Variants in PALM2AKAP2 observed in about 807,000 individuals in gnomAD.
PALM2AKAP2 encodes the protein PALM2 and AKAP2 fusion.
Under a neutral mutation model 71.5 loss-of-function variants are expected in PALM2AKAP2, and 37 were observed. That is an observed-to-expected ratio of 0.52 (90% confidence interval 0.40 to 0.68). The LOEUF is 0.68. Ranked by LOEUF, PALM2AKAP2 falls within the 30% of genes least tolerant of loss-of-function variation. The probability of loss-of-function intolerance (pLI) is 0.00; values close to 1 mark genes in which losing one functional copy is unlikely to be tolerated. For synonymous variants in PALM2AKAP2, 468 were observed against 478.8 expected, an observed-to-expected ratio of 0.98 and a Z score of 0.29; for missense variants, 1,224 against 1,191.8, an observed-to-expected ratio of 1.03 and a Z score of -0.40.
intron 1 of PALM2AKAP2, among the ~76,000 whole-genome samples, chr9:109,752,270 C>T (rs925464576): frequency 5.3e-5 from 8 of 152,092 alleles, no homozygotes; most frequent in African/African-American, 1.2e-4. Flanking sequence ...TCTGGGAGGA[C>T]GTGGAGCCTG....
intron 6 of PALM2AKAP2, among the ~76,000 whole-genome samples, chr9:110,001,751 T>A (rs1031715365): frequency 1.3e-5 from 2 of 152,234 alleles, no homozygotes; most frequent in Non-Finnish European, 2.9e-5. Flanking sequence ...ATTGGATTCC[T>A]AAGCATTTTA....
intron 6 of PALM2AKAP2, among the ~76,000 whole-genome samples, chr9:109,995,345 G>T (rs1588049557): frequency 6.6e-6 from 1 of 152,330 alleles, no homozygotes; most frequent in African/African-American, 2.4e-5. Flanking sequence ...ATGGCAGGGG[G>T]TGGGTCTTTC....
At chr9:110,097,054 C>T (rs967353088) in intron 1 of PALM2AKAP2, among the ~76,000 whole-genome samples, 19 of 146,936 alleles carry the variant, frequency 1.3e-4, no homozygotes, top group African/African-American at 4.6e-4. Context: ...AGCAGATAAA[C>T]AAGTGAACAA....
At chr9:109,796,307 C>G (rs1278540764) in intron 1 of PALM2AKAP2, among the ~76,000 whole-genome samples, 2 of 152,004 alleles carry the variant, frequency 1.3e-5, no homozygotes, top group East Asian at 3.8e-4. Flanking sequence ...TATTAGAAAA[C>G]TGTGATAGAT....
Position 110,154,293 on chromosome 9 carries a change from A to G in PALM2AKAP2, c.2570-2026A>G, listed in dbSNP as rs186114894. ...TATCAAAAGAGTAAGTAACTTGCCC[A>G]AAGTGATTTGGCTGCCAAGTCATGG... is the stretch of plus-strand genomic sequence containing the variant. On this transcript the variant is annotated intron_variant, in intron 2 of 3. Transcript: ENST00000374525. Among the ~76,000 whole-genome samples, 561 of 152,344 alleles carry G rather than the reference A, an allele frequency of 3.7e-3. 2 individuals carry two copies. The highest frequency in any genetic ancestry group is 0.012 in the African/African-American group (509 of 41,578).
intron 3 of PALM2AKAP2, among the ~76,000 whole-genome samples, chr9:110,158,300 A>G (rs1255507002): frequency 6.6e-6 from 1 of 152,192 alleles, no homozygotes; most frequent in Non-Finnish European, 1.5e-5. Flanking sequence ...TCTGCTCTAT[A>G]CATCAGCAGT....
At chr9:109,939,695 A>G (rs934273840) in intron 6 of PALM2AKAP2, among the ~76,000 whole-genome samples, 2 of 152,228 alleles carry the variant, frequency 1.3e-5, no homozygotes, top group African/African-American at 2.4e-5. Context: ...CAAATTTTAA[A>G]TGCCTATTCT....
chr9:110,156,474 C>A (rs953181791), exon 3 of PALM2AKAP2: 5 of 1,608,996 alleles, frequency 3.1e-6, no homozygotes, highest in Non-Finnish European at 4.2e-6. Flanking sequence ...ATCTAAAAGG[C>A]GCGAGAGAAT....
At chr9:109,933,552 G>A (rs894231431) in intron 6 of PALM2AKAP2, among the ~76,000 whole-genome samples, 1 of 152,218 alleles carries the variant, frequency 6.6e-6, no homozygotes, top group Non-Finnish European at 1.5e-5. Flanking sequence ...GGTAGTCAAA[G>A]AGTTTAAAGT....
chr9:109,845,135 G>C (rs1308410989), intron 1 of PALM2AKAP2, among the ~76,000 whole-genome samples: 1 of 152,180 alleles, frequency 6.6e-6, no homozygotes, highest in Non-Finnish European at 1.5e-5. Context: ...AGAGTCCTCT[G>C]CTTTATCCGT....
intron 7 of PALM2AKAP2, among the ~76,000 whole-genome samples, chr9:110,018,071 T>C (rs1260987566): frequency 6.6e-6 from 1 of 152,078 alleles, no homozygotes; most frequent in Non-Finnish European, 1.5e-5. Flanking sequence ...CAAATCCCAT[T>C]TGATAAGATT....
intron 1 of PALM2AKAP2, among the ~76,000 whole-genome samples, chr9:110,066,380 T>G (rs1834079772): frequency 6.6e-6 from 1 of 151,890 alleles, no homozygotes; most frequent in South Asian, 2.1e-4. Context: ...CCTCATAGAG[T>G]TGTTGAGAGG....
chr9:109,756,426 G>A (rs1828964950), intron 1 of PALM2AKAP2, among the ~76,000 whole-genome samples: 1 of 152,138 alleles, frequency 6.6e-6, no homozygotes, highest in South Asian at 2.1e-4. Flanking sequence ...GTTACATACA[G>A]ATGTTGTGGA....
At chr9:109,817,751 G>C (rs1043895009) in intron 1 of PALM2AKAP2, among the ~76,000 whole-genome samples, 26 of 152,310 alleles carry the variant, frequency 1.7e-4, no homozygotes, top group African/African-American at 5.8e-4. Flanking sequence ...CTGTAAACCA[G>C]CTGTATTTTA....
intron 3 of PALM2AKAP2, among the ~76,000 whole-genome samples, chr9:110,167,154 C>CT (rs367821472): frequency 6.6e-6 from 1 of 152,198 alleles, no homozygotes; most frequent in East Asian, 1.9e-4. Context: ...GAATTACCTC[C>CT]TATGAGTCCC....
At chr9:109,769,179 C>T (rs931528221) in intron 1 of PALM2AKAP2, among the ~76,000 whole-genome samples, 6 of 152,064 alleles carry the variant, frequency 3.9e-5, no homozygotes, top group Non-Finnish European at 5.9e-5. Flanking sequence ...TTTACTCCTA[C>T]GAAAGTGAAA....
At chr9:110,068,426 A>G (rs474566) in intron 1 of PALM2AKAP2, among the ~76,000 whole-genome samples, 16,441 of 149,156 alleles carry the variant, frequency 0.11, 1,297 homozygotes, top group South Asian at 0.15. Context: ...TAATGAGATG[A>G]TATAGGAATC....
intron 1 of PALM2AKAP2, among the ~76,000 whole-genome samples, chr9:109,706,442 C>T (rs1828146037): frequency 6.6e-6 from 1 of 152,112 alleles, no homozygotes; most frequent in African/African-American, 2.4e-5. Context: ...CCCAAATACT[C>T]ATACATTACT....
chr9:109,796,678 G>A (rs1270987851), intron 1 of PALM2AKAP2, among the ~76,000 whole-genome samples: 1 of 152,152 alleles, frequency 6.6e-6, no homozygotes, highest in Non-Finnish European at 1.5e-5. Flanking sequence ...CACATCTTAC[G>A]TGGCAACAGG....
Sources: allele counts gnomAD v4.1 joint callset (sites outside exome capture counted in the v4.1 genomes callset), GRCh38; gene constraint gnomAD v4.1.1; transcripts MANE v1.5; gene names NCBI Gene and HGNC (gene_info 2026-07-23, HGNC 2026-07-21).